Variants in GPHN observed in about 807,000 individuals in gnomAD.
GPHN encodes the protein gephyrin.
In GPHN, 17 loss-of-function variants were observed where a neutral mutation model predicts 95.5. The ratio of observed to expected loss-of-function variants is 0.18; its 90% CI spans 0.12 to 0.27. The LOEUF is 0.27. Among genes scored for constraint, GPHN ranks in the 10% least tolerant of loss-of-function variants. GPHN has a pLI of 1.00. For synonymous variants in GPHN, 320 were observed against 322.5 expected (o/e 0.99, Z 0.08); for missense variants, 660 against 978.1 (o/e 0.67, Z 4.34).
the GPHN span, among the ~76,000 whole-genome samples, chr14:67,643,427 A>T: frequency 6.6e-6 from 1 of 152,376 alleles, no homozygotes; most frequent in East Asian, 1.9e-4. Flanking sequence ...TACTAGGAGT[A>T]TTGAGCACTC....
chr14:67,179,926 C>T (rs2083235632), intron 22 of GPHN, among the ~76,000 whole-genome samples: 1 of 152,134 alleles, frequency 6.6e-6, no homozygotes, highest in South Asian at 2.1e-4. Context: ...GACTAATGTC[C>T]TGTAATAAAT....
chr14:67,361,233 G>T, the GPHN span, among the ~76,000 whole-genome samples: 1 of 152,114 alleles, frequency 6.6e-6, no homozygotes, highest in Non-Finnish European at 1.5e-5. Context: ...AAAAAACATG[G>T]TTTCTTCGAG....
At chr14:67,398,633 G>A in the GPHN span, among the ~76,000 whole-genome samples, 10 of 121,732 alleles carry the variant, frequency 8.2e-5, no homozygotes, top group Admixed American at 7.4e-4. Context: ...CCACCTAAAC[G>A]ACCCTTCTCT....
At chr14:66,558,397 T>A (rs2060092560) in intron 1 of GPHN, among the ~76,000 whole-genome samples, 1 of 152,104 alleles carries the variant, frequency 6.6e-6, no homozygotes, top group African/African-American at 2.4e-5. Context: ...AGATCAAAAA[T>A]TTTTTTATAT....
intron 8 of GPHN, among the ~76,000 whole-genome samples, chr14:66,925,091 A>G (rs2066418097): frequency 1.3e-5 from 2 of 152,172 alleles, no homozygotes; most frequent in Admixed American, 6.5e-5. Context: ...CTTAGCATCC[A>G]TAGTCTCTTA....
the GPHN span, among the ~76,000 whole-genome samples, chr14:67,377,536 A>G: frequency 5.3e-5 from 8 of 152,196 alleles, no homozygotes; most frequent in Non-Finnish European, 1.2e-4. Flanking sequence ...CACTGTCTCA[A>G]CAAACTTACA....
chr14:67,520,689 C>T, the GPHN span, among the ~76,000 whole-genome samples: 2 of 147,958 alleles, frequency 1.4e-5, no homozygotes, highest in East Asian at 2.0e-4. Context: ...CTCCTTTGGG[C>T]GTACCACAGT....
At chr14:67,583,486 G>T in the GPHN span, among the ~76,000 whole-genome samples, 1 of 152,160 alleles carries the variant, frequency 6.6e-6, no homozygotes, top group African/African-American at 2.4e-5. Context: ...AATTAACTGT[G>T]TCTTTGGAAA....
At chr14:67,528,446 T>C in the GPHN span, among the ~76,000 whole-genome samples, 2 of 152,200 alleles carry the variant, frequency 1.3e-5, no homozygotes, top group African/African-American at 4.8e-5. Flanking sequence ...TTAAAGCTGG[T>C]CCCTGCCCAG....
At chr14:67,433,135 T>G in the GPHN span, among the ~76,000 whole-genome samples, 1 of 152,240 alleles carries the variant, frequency 6.6e-6, no homozygotes, top group East Asian at 1.9e-4. Flanking sequence ...CCCAGGAAGT[T>G]GATGCCCATC....
At chr14:66,556,721 A>G (rs538443439) in intron 1 of GPHN, among the ~76,000 whole-genome samples, 10 of 152,108 alleles carry the variant, frequency 6.6e-5, no homozygotes, top group Admixed American at 2.0e-4. Flanking sequence ...ATATAATTTT[A>G]TATTAAATAT....
the GPHN span, among the ~76,000 whole-genome samples, chr14:67,351,338 A>G: frequency 6.6e-6 from 1 of 152,186 alleles, no homozygotes; most frequent in South Asian, 2.1e-4. Flanking sequence ...CAAAATTCAG[A>G]CATAATTAAG....
intron 13 of GPHN, among the ~76,000 whole-genome samples, chr14:67,102,655 C>T (rs1204845922): frequency 6.6e-6 from 1 of 151,280 alleles, no homozygotes; most frequent in Non-Finnish European, 1.5e-5. Flanking sequence ...AGCAAAACTC[C>T]GTCTCAAAAA....
chr14:66,621,926 C>T (rs752418060), intron 1 of GPHN, among the ~76,000 whole-genome samples: 10 of 152,256 alleles, frequency 6.6e-5, no homozygotes, highest in Non-Finnish European at 1.5e-4. Context: ...GTCGGTGGAT[C>T]TGCCATTATG....
intron 11 of GPHN, among the ~76,000 whole-genome samples, chr14:67,088,683 A>G (rs1157434615): frequency 7.9e-5 from 12 of 152,222 alleles, no homozygotes; most frequent in Non-Finnish European, 1.5e-4. Flanking sequence ...AAAGAAAATC[A>G]TATTTGGGTT....
intron 18 of GPHN, among the ~76,000 whole-genome samples, chr14:67,145,712 G>T (rs960014174): frequency 1.8e-4 from 27 of 152,102 alleles, no homozygotes; most frequent in African/African-American, 5.6e-4. Context: ...AATAATAAAA[G>T]ACAGAACATT....
intron 1 of GPHN, among the ~76,000 whole-genome samples, chr14:66,525,475 G>A (rs1201316347): frequency 1.3e-5 from 2 of 152,174 alleles, no homozygotes; most frequent in African/African-American, 2.4e-5. Context: ...TTCTTTTGCT[G>A]TGCAGATGCT....
chr14:67,685,220 A>G, the GPHN span: 2 of 1,605,818 alleles, frequency 1.2e-6, no homozygotes, highest in East Asian at 4.5e-5. Context: ...TGGGGGTGGC[A>G]TGAAGAGAGG....
intron 9 of GPHN, among the ~76,000 whole-genome samples, chr14:67,004,774 C>A (rs1339235762): frequency 6.6e-6 from 1 of 151,684 alleles, no homozygotes; most frequent in Non-Finnish European, 1.5e-5. Context: ...TGCCGTAATA[C>A]CTCTTTAGAC....
Sources: gnomAD v4.1 joint callset for allele counts (sites outside exome capture counted in the v4.1 genomes callset) on GRCh38, gnomAD v4.1.1 for gene constraint, MANE v1.5 for transcripts, NCBI Gene and HGNC (gene_info 2026-07-23, HGNC 2026-07-21) for gene names.